MTFR1: variants seen among roughly 807,000 people sequenced by gnomAD.
The protein encoded by MTFR1 is mitochondrial fission regulator 1.
A neutral mutation model predicts 38.8 loss-of-function variants in MTFR1; 28 were observed. That is an observed-to-expected ratio of 0.72 (90% CI 0.53 to 0.99). The LOEUF (loss-of-function observed/expected upper bound fraction) is 0.99. Among genes scored for constraint, MTFR1 ranks in the 50% least tolerant of loss-of-function variants. The pLI is 0.00. For missense variants in MTFR1, 358 were observed against 395.5 expected (o/e 0.91, Z 0.81); for synonymous variants, 145 against 137.0 (o/e 1.06, Z -0.41).
chr8:65,773,215 C>T (rs1304166994), downstream of MTFR1, among the ~76,000 whole-genome samples: 1 of 152,036 alleles, frequency 6.6e-6, no homozygotes, highest in Non-Finnish European at 1.5e-5. Flanking sequence ...AAAAAGAATT[C>T]CAAGCTGTGT....
chr8:65,742,405 T>G (rs972085619), intron 3 of MTFR1, among the ~76,000 whole-genome samples: 1 of 152,176 alleles, frequency 6.6e-6, no homozygotes, highest in African/African-American at 2.4e-5. Flanking sequence ...GAACTCCAAA[T>G]GCATCCTACC....
chr8:65,694,230 A>T (rs541293841), intron 4 of MTFR1, among the ~76,000 whole-genome samples: 51 of 151,782 alleles, frequency 3.4e-4, no homozygotes, highest in Non-Finnish European at 6.8e-4. Flanking sequence ...ACGCACCACC[A>T]CACCCAGCTA....
chr8:65,686,638 T>TGTATATGTG (rs1805087302), intron 3 of MTFR1, among the ~76,000 whole-genome samples: 1 of 148,038 alleles, frequency 6.8e-6, no homozygotes, highest in African/African-American at 2.5e-5. Flanking sequence ...TAACTGAGTA[T>TGTATATGTG]GGCTGGGCAC....
At chr8:65,670,919 T>G (rs1393390968) in intron 2 of MTFR1, among the ~76,000 whole-genome samples, 1 of 152,206 alleles carries the variant, frequency 6.6e-6, no homozygotes, top group African/African-American at 2.4e-5. Flanking sequence ...TTGGCCAGGC[T>G]GGTCTTGAAC....
At chr8:65,675,253 A>C (rs1232018750) in intron 2 of MTFR1, among the ~76,000 whole-genome samples, 1 of 151,626 alleles carries the variant, frequency 6.6e-6, no homozygotes, top group Non-Finnish European at 1.5e-5. Context: ...AGATCACGCC[A>C]CTGCACTCCA....
intron 2 of MTFR1, among the ~76,000 whole-genome samples, chr8:65,681,019 T>C (rs1179876870): frequency 6.6e-6 from 1 of 151,088 alleles, no homozygotes; most frequent in Non-Finnish European, 1.5e-5. Flanking sequence ...TTCACGCCAT[T>C]CTCCTGCCTC....
At chr8:65,719,349 T>G (rs1277728505) in intron 2 of MTFR1, 1 of 1,614,062 alleles carries the variant, frequency 6.2e-7, no homozygotes, top group African/African-American at 1.3e-5. Flanking sequence ...GCAGCATCAG[T>G]GTCCTCACTG....
intron 3 of MTFR1, among the ~76,000 whole-genome samples, chr8:65,764,169 G>A (rs1246182315): frequency 6.6e-6 from 1 of 152,198 alleles, no homozygotes; most frequent in Non-Finnish European, 1.5e-5. Context: ...AGGAGCATGG[G>A]TGATAGAAAA....
intron 3 of MTFR1, among the ~76,000 whole-genome samples, chr8:65,688,925 A>C (rs930544545): frequency 2.6e-5 from 4 of 151,810 alleles, no homozygotes; most frequent in Admixed American, 1.3e-4. Flanking sequence ...CGGGTGGATC[A>C]CTTGAGGTCA....
At chr8:65,745,639 G>A (rs1246806029) in intron 3 of MTFR1, among the ~76,000 whole-genome samples, 3 of 152,232 alleles carry the variant, frequency 2.0e-5, no homozygotes, top group South Asian at 4.2e-4. Flanking sequence ...CCAAAAAAAT[G>A]CCAAAGGGAT....
chr8:65,671,417 C>A (rs1429016189), intron 2 of MTFR1, among the ~76,000 whole-genome samples: 1 of 151,850 alleles, frequency 6.6e-6, no homozygotes, highest in Non-Finnish European at 1.5e-5. Context: ...TACCTCTAGT[C>A]CCAGCTATTC....
At chr8:65,703,417 T>C (rs932121307) in intron 4 of MTFR1, among the ~76,000 whole-genome samples, 3 of 128,972 alleles carry the variant, frequency 2.3e-5, no homozygotes, top group African/African-American at 5.8e-5. Flanking sequence ...TTGATGTCTC[T>C]GGTTTTTTTT....
At chr8:65,745,674 T>C (rs1056980712) in intron 3 of MTFR1, among the ~76,000 whole-genome samples, 1 of 152,196 alleles carries the variant, frequency 6.6e-6, no homozygotes, top group Non-Finnish European at 1.5e-5. Context: ...AAATGAAACA[T>C]TATTTTGTTT....
chr8:65,751,933 C>T (rs935120697), intron 3 of MTFR1, among the ~76,000 whole-genome samples: 10 of 152,198 alleles, frequency 6.6e-5, no homozygotes, highest in Non-Finnish European at 1.5e-4. Flanking sequence ...AGTGCATAGA[C>T]ACCTTCCCTG....
chr8:65,774,866 C>A (rs1371437799), downstream of MTFR1, among the ~76,000 whole-genome samples: 5 of 152,110 alleles, frequency 3.3e-5, no homozygotes, highest in African/African-American at 9.7e-5. Flanking sequence ...TGAGACATCA[C>A]ACATCATGCA....
In MTFR1 at chr8:65,734,772, G is replaced by A. The variant is rs200046342; in HGVS notation, c.*48+15291G>A. The A allele has an allele frequency of 3.7e-5, 50 of 1,336,330 alleles. No homozygotes were observed. In the African/African-American group the frequency reaches 6.3e-4, roughly 17 times the overall value. The allele number at this position is 1,336,330 out of a possible 1,614,324, so 82.8% of individuals were successfully genotyped here. Reference sequence around the variant, plus strand: ...AGGAATTTTCTTATGATTTTCACCTGAAATCAATGTCAACCTCTTACCTTA... The same window carrying A: ...AGGAATTTTCTTATGATTTTCACCTAAAATCAATGTCAACCTCTTACCTTA... On this transcript the variant is annotated intron_variant, in intron 3 of 3. Coordinates refer to the MTFR1 transcript ENST00000521247.
chr8:65,739,363 A>T, intron 3 of MTFR1: 4 of 952,632 alleles, frequency 4.2e-6, no homozygotes, highest in Non-Finnish European at 5.7e-6. Flanking sequence ...AGAGCTAAAT[A>T]ACTGTGTGTT....
chr8:65,740,824 C>T (rs1160042831), intron 3 of MTFR1, among the ~76,000 whole-genome samples: 1 of 152,130 alleles, frequency 6.6e-6, no homozygotes, highest in Admixed American at 6.6e-5. Context: ...ATTGTCTCAA[C>T]AAGCATCAGC....
At chr8:65,675,032 T>A (rs1804672335) in intron 2 of MTFR1, among the ~76,000 whole-genome samples, 1 of 152,222 alleles carries the variant, frequency 6.6e-6, no homozygotes, top group South Asian at 2.1e-4. Context: ...AGCTCACACC[T>A]GTAATTCCAG....
Sources: gnomAD v4.1 joint callset for allele counts (sites outside exome capture counted in the v4.1 genomes callset) on GRCh38, gnomAD v4.1.1 for gene constraint, MANE v1.5 for transcripts, NCBI Gene and HGNC (gene_info 2026-07-23, HGNC 2026-07-21) for gene names.